AK4: variants seen among roughly 807,000 people sequenced by gnomAD.
The protein encoded by AK4 is adenylate kinase 4, mitochondrial.
A neutral mutation model predicts 24.6 loss-of-function variants in AK4; 13 were observed. That is an observed-to-expected ratio of 0.53 (90% confidence interval 0.34 to 0.84). The LOEUF is 0.84. Ranked by LOEUF, AK4 falls within the 40% of genes least tolerant of loss-of-function variation. AK4 has a pLI of 0.01. For synonymous variants in AK4, 88 were observed against 107.0 expected, an observed-to-expected ratio of 0.82 and a Z score of 1.10; for missense variants, 192 against 288.2, an observed-to-expected ratio of 0.67 and a Z score of 2.42.
chr1:65,210,608 G>A (rs1392379153), intron 2 of AK4, among the ~76,000 whole-genome samples: 1 of 152,130 alleles, frequency 6.6e-6, no homozygotes, highest in Non-Finnish European at 1.5e-5. Flanking sequence ...AAAATCTCAT[G>A]TTGGGTGATG....
chr1:65,215,793 C>T (rs1198492996), intron 2 of AK4, among the ~76,000 whole-genome samples: 1 of 152,236 alleles, frequency 6.6e-6, no homozygotes, highest in South Asian at 2.1e-4. Context: ...TTGTTACCCT[C>T]ATTAGACAAA....
chr1:65,185,759 C>CAAA (rs938012093), intron 1 of AK4, among the ~76,000 whole-genome samples: 9 of 151,750 alleles, frequency 5.9e-5, no homozygotes, highest in Admixed American at 4.6e-4. Flanking sequence ...TACAGATAGG[C>CAAA]ACATGCCACC....
chr1:65,160,122 C>T (rs1319673180), intron 1 of AK4, among the ~76,000 whole-genome samples: 1 of 152,198 alleles, frequency 6.6e-6, no homozygotes, highest in African/African-American at 2.4e-5. Context: ...TTATGTCGTG[C>T]TGACATCTGA....
At chr1:65,214,234 C>T (rs1306942513) in intron 2 of AK4, among the ~76,000 whole-genome samples, 1 of 152,192 alleles carries the variant, frequency 6.6e-6, no homozygotes, top group Non-Finnish European at 1.5e-5. Flanking sequence ...CCTCAGCCTC[C>T]TGAGTAGCTG....
At chr1:65,162,097 T>G (rs1650186049) in intron 1 of AK4, among the ~76,000 whole-genome samples, 1 of 151,964 alleles carries the variant, frequency 6.6e-6, no homozygotes, top group Non-Finnish European at 1.5e-5. Flanking sequence ...AAAATAAAAA[T>G]AAAGTTAGCT....
At chr1:65,186,345 T>C (rs1033767115) in intron 1 of AK4, among the ~76,000 whole-genome samples, 1 of 152,044 alleles carries the variant, frequency 6.6e-6, no homozygotes, top group African/African-American at 2.4e-5. Flanking sequence ...CCCAGGCTGG[T>C]CTCAAACTCC....
chr1:65,193,008 T>G lies in AK4; in HGVS notation c.265+2179T>G, dbSNP rs79546366. Among the ~76,000 whole-genome samples, 801 of 152,300 alleles carry G rather than the reference T, an allele frequency of 5.3e-3. 10 individuals carry two copies. Among genetic ancestry groups the G allele is most frequent in the African/African-American group, 0.018 (754 of 41,568 alleles). ...GAGTTGTATACTGGTGGATTTACAG[T>G]TCTGGGGTGTTGACAGTGGCCCACT... On this transcript the variant is annotated intron_variant, in intron 2 of 4. Coordinates refer to ENST00000327299, the MANE Select transcript of AK4 (RefSeq NM_013410.4).
At chr1:65,204,426 A>G (rs769137813) in intron 2 of AK4, among the ~76,000 whole-genome samples, 21 of 151,908 alleles carry the variant, frequency 1.4e-4, no homozygotes, top group Non-Finnish European at 2.5e-4. Flanking sequence ...GTCTCAAACT[A>G]CTGACCTCAA....
intron 2 of AK4, among the ~76,000 whole-genome samples, chr1:65,193,831 A>G (rs1651385359): frequency 6.6e-6 from 1 of 152,214 alleles, no homozygotes; most frequent in African/African-American, 2.4e-5. Context: ...TCCTTGGCCC[A>G]TGTTGTGGCT....
chr1:65,174,956 C>G (rs1306492119), intron 1 of AK4, among the ~76,000 whole-genome samples: 2 of 152,156 alleles, frequency 1.3e-5, no homozygotes, highest in African/African-American at 4.8e-5. Flanking sequence ...TTATGGATAT[C>G]TATTTTTAAT....
At chr1:65,192,885 T>G (rs1156315487) in intron 2 of AK4, among the ~76,000 whole-genome samples, 1 of 152,236 alleles carries the variant, frequency 6.6e-6, no homozygotes, top group African/African-American at 2.4e-5. Flanking sequence ...TTCTGCCTCC[T>G]GGGCACACTG....
intron 1 of AK4, among the ~76,000 whole-genome samples, chr1:65,188,897 C>T (rs1651195749): frequency 6.6e-6 from 1 of 152,110 alleles, no homozygotes; most frequent in African/African-American, 2.4e-5. Context: ...GCCTCAGCCT[C>T]CTGAGTAGCT....
intron 3 of AK4, among the ~76,000 whole-genome samples, chr1:65,224,506 G>T (rs1652394316): frequency 6.6e-6 from 1 of 152,162 alleles, no homozygotes; most frequent in South Asian, 2.1e-4. Context: ...AACAGCACTG[G>T]AACATGTTTG....
chr1:65,154,704 T>G, intron 1 of AK4: 1 of 312,758 alleles, frequency 3.2e-6, no homozygotes, highest in South Asian at 2.9e-5. Context: ...AAAACCACGA[T>G]AGTTCTTTGT....
In AK4 at chr1:65,226,805, C is replaced by CTTTT. The variant is rs1006943584; in HGVS notation, c.*635_*638dup. 14 of 143,934 alleles carry CTTTT rather than the reference C, an allele frequency of 9.7e-5. No homozygotes were observed. Among genetic ancestry groups the CTTTT allele is most frequent in the African/African-American group, 3.7e-4 (14 of 38,180 alleles). 8.9% of individuals were successfully genotyped at this position (143,934 alleles called of 1,614,324 possible). On this transcript the variant is annotated 3_prime_UTR_variant, in exon 5 of 5. Coordinates refer to ENST00000327299, the MANE Select transcript of AK4 (RefSeq NM_013410.4). ...GACATCCTGGGATGAAAGAATTTGG[C>CTTTT]TTTTTTTTTTCTTTTTTTTTTTGGA...
At chr1:65,199,157 C>T (rs1298523021) in intron 2 of AK4, among the ~76,000 whole-genome samples, 1 of 151,746 alleles carries the variant, frequency 6.6e-6, no homozygotes, top group African/African-American at 2.4e-5. Flanking sequence ...TGGCATTTTC[C>T]CCCCTGGACT....
chr1:65,202,958 A>G (rs976706631), intron 2 of AK4, among the ~76,000 whole-genome samples: 1 of 148,520 alleles, frequency 6.7e-6, no homozygotes, highest in African/African-American at 2.5e-5. Context: ...TGCAGCCTCA[A>G]ACTGGGTTCA....
intron 1 of AK4, among the ~76,000 whole-genome samples, chr1:65,173,065 C>T (rs1235233121): frequency 6.6e-6 from 1 of 151,950 alleles, no homozygotes; most frequent in Non-Finnish European, 1.5e-5. Flanking sequence ...GGTTTCACCA[C>T]GTTGGCTAGG....
At chr1:65,196,503 T>G (rs1043539290) in intron 2 of AK4, among the ~76,000 whole-genome samples, 15 of 152,190 alleles carry the variant, frequency 9.9e-5, no homozygotes, top group Non-Finnish European at 2.2e-4. Flanking sequence ...TCTCTCTCTG[T>G]CACCCAGGCT....
Sources: allele counts gnomAD v4.1 joint callset (sites outside exome capture counted in the v4.1 genomes callset), GRCh38; gene constraint gnomAD v4.1.1; transcripts MANE v1.5; gene names NCBI Gene and HGNC (gene_info 2026-07-23, HGNC 2026-07-21).